CCDC91: variants seen among roughly 807,000 people sequenced by gnomAD.
The protein encoded by CCDC91 is coiled-coil domain containing 91.
A neutral mutation model predicts 63.2 loss-of-function variants in CCDC91; 48 were observed. That is an observed-to-expected ratio of 0.76 (90% CI 0.60 to 0.97). The LOEUF is 0.97. Ranked by LOEUF, CCDC91 falls within the 50% of genes least tolerant of loss-of-function variation. The probability of loss-of-function intolerance (pLI) is 0.00; values close to 1 mark genes in which losing one functional copy is unlikely to be tolerated. For synonymous variants in CCDC91, 167 were observed against 165.8 expected, an observed-to-expected ratio of 1.01 and a Z score of -0.06; for missense variants, 500 against 494.6, an observed-to-expected ratio of 1.01 and a Z score of -0.10.
intron 6 of CCDC91, among the ~76,000 whole-genome samples, chr12:28,348,198 G>A (rs1942943502): frequency 6.6e-6 from 1 of 152,138 alleles, no homozygotes; most frequent in Non-Finnish European, 1.5e-5. Context: ...CAAGACCCAT[G>A]TGTAGCCCTC....
At chr12:28,372,584 A>C (rs1326111688) in intron 7 of CCDC91, among the ~76,000 whole-genome samples, 1 of 148,866 alleles carries the variant, frequency 6.7e-6, no homozygotes, top group Admixed American at 6.8e-5. Context: ...TGGGTATTTA[A>C]ATTTTTTTTT....
intron 11 of CCDC91, among the ~76,000 whole-genome samples, chr12:28,470,022 G>T (rs1326190840): frequency 2.0e-5 from 3 of 152,010 alleles, no homozygotes; most frequent in Admixed American, 2.0e-4. Context: ...CATTGAACTG[G>T]GCAAAGATTT....
intron 1 of CCDC91, among the ~76,000 whole-genome samples, chr12:28,254,328 C>G (rs1423779062): frequency 6.6e-6 from 1 of 152,116 alleles, no homozygotes; most frequent in Admixed American, 6.6e-5. Flanking sequence ...TTTGGCCAGG[C>G]TTATGATTCT....
intron 1 of CCDC91, among the ~76,000 whole-genome samples, chr12:28,219,764 C>T (rs897787536): frequency 1.3e-5 from 2 of 152,108 alleles, no homozygotes; most frequent in African/African-American, 4.8e-5. Context: ...TGAGCCACTG[C>T]GCCCGGCCCC....
intron 11 of CCDC91, among the ~76,000 whole-genome samples, chr12:28,481,269 C>T (rs1336134634): frequency 6.6e-6 from 1 of 151,924 alleles, no homozygotes; most frequent in Non-Finnish European, 1.5e-5. Context: ...TAGTGTTTCT[C>T]AACTGGAAGC....
chr12:28,446,491 C>A (rs1288818064), intron 8 of CCDC91, among the ~76,000 whole-genome samples: 1 of 152,102 alleles, frequency 6.6e-6, no homozygotes, highest in Admixed American at 6.5e-5. Flanking sequence ...CTTCAAAAAA[C>A]TATATTTATA....
intron 8 of CCDC91, among the ~76,000 whole-genome samples, chr12:28,404,361 A>T (rs761111120): frequency 1.5e-4 from 23 of 152,048 alleles, no homozygotes; most frequent in Non-Finnish European, 3.2e-4. Context: ...AAAGCAGACC[A>T]CATTTTGTGA....
At chr12:28,489,063 AC>A (rs2140977016) in intron 12 of CCDC91, among the ~76,000 whole-genome samples, 1 of 152,044 alleles carries the variant, frequency 6.6e-6, no homozygotes, top group East Asian at 1.9e-4. Flanking sequence ...GGGACATACA[AC>A]CCAAAATATT....
intron 3 of CCDC91, among the ~76,000 whole-genome samples, chr12:28,284,893 C>T (rs762393126): frequency 1.6e-4 from 25 of 152,128 alleles, no homozygotes; most frequent in Non-Finnish European, 3.1e-4. Flanking sequence ...ACTGTCTCTT[C>T]CTACAAACAT....
At chr12:28,203,535 A>G (rs1394306452) in intron 1 of CCDC91, among the ~76,000 whole-genome samples, 3 of 152,206 alleles carry the variant, frequency 2.0e-5, no homozygotes, top group Admixed American at 6.5e-5. Context: ...AAAATTTCCC[A>G]TATGTAGCAA....
intron 6 of CCDC91, among the ~76,000 whole-genome samples, chr12:28,328,797 T>G (rs1941243396): frequency 6.6e-6 from 1 of 152,166 alleles, no homozygotes; most frequent in Non-Finnish European, 1.5e-5. Flanking sequence ...AGATGCGATT[T>G]TTTTTTCTTT....
At chr12:28,533,515 A>G (rs906484775) in intron 12 of CCDC91, among the ~76,000 whole-genome samples, 3 of 152,050 alleles carry the variant, frequency 2.0e-5, no homozygotes, top group African/African-American at 4.8e-5. Flanking sequence ...TTGCCAATAA[A>G]CCACACTTAA....
intron 8 of CCDC91, among the ~76,000 whole-genome samples, chr12:28,406,933 G>C (rs148038142): frequency 0.016 from 2,468 of 151,938 alleles, 26 homozygotes; most frequent in South Asian, 0.029. Flanking sequence ...CAAATCTCAT[G>C]TTGAATTTAA....
chr12:28,394,611 C>T (rs1023514175), intron 8 of CCDC91, among the ~76,000 whole-genome samples: 2 of 151,726 alleles, frequency 1.3e-5, no homozygotes, highest in Non-Finnish European at 2.9e-5. Context: ...GAAATTAGTA[C>T]CTTCAGTTTA....
At chr12:28,371,620 G>A (rs1388147439) in intron 7 of CCDC91, among the ~76,000 whole-genome samples, 2 of 152,158 alleles carry the variant, frequency 1.3e-5, no homozygotes, top group African/African-American at 4.8e-5. Flanking sequence ...AAGAGAAGCA[G>A]CATCCAATTA....
intron 6 of CCDC91, among the ~76,000 whole-genome samples, chr12:28,342,410 T>G (rs919799118): frequency 6.6e-6 from 1 of 152,194 alleles, no homozygotes; most frequent in African/African-American, 2.4e-5. Flanking sequence ...ATTTGTTATG[T>G]CAGTGGCCAG....
chr12:28,362,616 T>C (rs931800121), intron 7 of CCDC91, 101 bp downstream of exon 7: 6 of 605,856 alleles, frequency 9.9e-6, no homozygotes, highest in Non-Finnish European at 1.6e-5. Flanking sequence ...ATATGTGTAG[T>C]CTTATTTTGC....
intron 6 of CCDC91, among the ~76,000 whole-genome samples, chr12:28,351,487 G>A (rs1182715801): frequency 6.6e-6 from 1 of 152,126 alleles, no homozygotes; most frequent in Non-Finnish European, 1.5e-5. Context: ...TTTGATTATT[G>A]TCTGGGCCTG....
intron 8 of CCDC91, among the ~76,000 whole-genome samples, chr12:28,401,467 T>A (rs1946619253): frequency 6.6e-6 from 1 of 152,014 alleles, no homozygotes; most frequent in African/African-American, 2.4e-5. Flanking sequence ...CAATTCAAGA[T>A]AAGATTTGGG....
Sources: allele counts gnomAD v4.1 joint callset (sites outside exome capture counted in the v4.1 genomes callset), GRCh38; gene constraint gnomAD v4.1.1; transcripts MANE v1.5; gene names NCBI Gene and HGNC (gene_info 2026-07-23, HGNC 2026-07-21).